SLC28A2: variants seen among roughly 807,000 people sequenced by gnomAD.
SLC28A2 encodes the protein sodium/nucleoside cotransporter 2.
SLC28A2 carries 69 observed loss-of-function variants against 72.9 expected under a neutral mutation model. The ratio of observed to expected loss-of-function variants is 0.95; its 90% CI spans 0.78 to 1.16. SLC28A2 has a LOEUF of 1.16. Among genes scored for constraint, SLC28A2 ranks in the 50% most tolerant of loss-of-function variants. The probability of loss-of-function intolerance (pLI) is 0.00; values close to 1 mark genes in which losing one functional copy is unlikely to be tolerated. For missense variants in SLC28A2, 745 were observed against 791.1 expected, an observed-to-expected ratio of 0.94 and a Z score of 0.70; for synonymous variants, 296 against 294.1, an observed-to-expected ratio of 1.01 and a Z score of -0.07.
intron 3 of SLC28A2, among the ~76,000 whole-genome samples, chr15:45,260,239 C>T (rs1182381854): frequency 6.6e-6 from 1 of 152,146 alleles, no homozygotes; most frequent in African/African-American, 2.4e-5. Context: ...TCTTTTCATA[C>T]ACTCTGATCA....
At chr15:45,270,378 A>G (rs1900510285) in intron 15 of SLC28A2, 102 bp downstream of exon 15, 1 of 840,830 alleles carries the variant, frequency 1.2e-6, no homozygotes, top group Non-Finnish European at 2.0e-6. Context: ...TCAGATAGAG[A>G]AGCCATTGTG....
At position 45,269,554 on chromosome 15, in the gene SLC28A2, A is replaced by C; in HGVS notation, c.1566+19A>C. On this transcript the variant is annotated intron_variant, in intron 14 of 17. Coordinates refer to ENST00000347644, the MANE Select transcript of SLC28A2 (RefSeq NM_004212.4). Reference sequence around the variant, plus strand: ...GATTTCTGTAAGTGACAATCCAAAAAGCATAAACACCGTGAGGTCTCAGCC... The same window carrying C: ...GATTTCTGTAAGTGACAATCCAAAACGCATAAACACCGTGAGGTCTCAGCC... 1 of 1,602,474 alleles carries C rather than the reference A, an allele frequency of 6.2e-7. No homozygotes were observed. The highest frequency in any genetic ancestry group is 8.6e-7 in the Non-Finnish European group (1 of 1,169,410).
At chr15:45,260,606 A>G (rs1382022730) in intron 3 of SLC28A2, among the ~76,000 whole-genome samples, 1 of 152,110 alleles carries the variant, frequency 6.6e-6, no homozygotes, top group Non-Finnish European at 1.5e-5. Flanking sequence ...AAATTTAAAA[A>G]AGAAAATTAG....
chr15:45,255,041 G>A (rs1376380065), intron 3 of SLC28A2: 2 of 152,092 alleles, frequency 1.3e-5, no homozygotes, highest in Non-Finnish European at 2.9e-5. Context: ...GATCACTTGA[G>A]CCCAGGAATT....
In SLC28A2 at chr15:45,252,279, G is replaced by T; in HGVS notation, c.-17+1G>T. 2.2e-6 allele frequency: 1 copy of T among 455,978 alleles called. No homozygotes were observed. The highest frequency in any genetic ancestry group is 4.4e-6 in the Non-Finnish European group (1 of 226,792). 28.2% of individuals were successfully genotyped at this position (455,978 alleles called of 1,614,324 possible). A position where few individuals can be genotyped will look rare whatever the true frequency, so the allele number is the denominator to read the frequency against. On this transcript the variant is annotated splice_donor_variant, in intron 1 of 17. Transcript: ENST00000347644. LOFTEE classifies it low-confidence loss of function (5UTR_SPLICE). ...GAGGGAATCAATTCCACAAGCTGGG[G>T]TAAGTAAAGGTGTTTGGGGGAGGGC...
intron 12 of SLC28A2, 32 bp downstream of exon 12, chr15:45,267,828 T>C: frequency 5.6e-6 from 9 of 1,612,700 alleles, no homozygotes; most frequent in Non-Finnish European, 7.6e-6. Flanking sequence ...CTTTGGGAGA[T>C]GGTGAGCTGT....
At chr15:45,269,595 T>G in intron 14 of SLC28A2, 60 bp downstream of exon 14, 2 of 1,476,608 alleles carry the variant, frequency 1.4e-6, no homozygotes, top group Non-Finnish European at 1.9e-6. Flanking sequence ...TATCTGAGGG[T>G]AGACAGAAAG....
intron 14 of SLC28A2, among the ~76,000 whole-genome samples, chr15:45,269,962 G>A (rs1297131535): frequency 1.3e-5 from 2 of 151,878 alleles, no homozygotes; most frequent in African/African-American, 2.4e-5. Context: ...AGGCCTTCTC[G>A]TTATTCATAG....
chr15:45,252,839 G>A (rs1479258974), intron 1 of SLC28A2, among the ~76,000 whole-genome samples: 1 of 152,108 alleles, frequency 6.6e-6, no homozygotes, highest in African/African-American at 2.4e-5. Flanking sequence ...GGGCTAAAAG[G>A]AGTAGTTACC....
At chr15:45,259,387 T>C (rs575736281) in intron 3 of SLC28A2, among the ~76,000 whole-genome samples, 88 of 152,310 alleles carry the variant, frequency 5.8e-4, no homozygotes, top group Non-Finnish European at 9.3e-4. Context: ...CCCATGCTAA[T>C]CTTGAACTAT....
intron 17 of SLC28A2, among the ~76,000 whole-genome samples, 168 bp from the exon 18 acceptor site, chr15:45,275,228 G>A (rs530112749): frequency 2.0e-4 from 31 of 152,274 alleles, no homozygotes; most frequent in African/African-American, 7.2e-4. Context: ...GTATTATCTT[G>A]GGAATGAATG....
chr15:45,269,230 G>A, intron 13 of SLC28A2, 108 bp from the exon 14 acceptor site: 1 of 828,076 alleles, frequency 1.2e-6, no homozygotes, highest in Admixed American at 2.1e-5. Context: ...GAGAGAGCAT[G>A]AATAGAAGGG....
chr15:45,267,819 T>C (rs1900394332), intron 12 of SLC28A2, 23 bp downstream of exon 12: 1 of 1,613,138 alleles, frequency 6.2e-7, no homozygotes, highest in African/African-American at 1.3e-5. Flanking sequence ...AGGCATATAC[T>C]TTGGGAGATG....
At chr15:45,261,250 A>G (rs1046977382) in intron 3 of SLC28A2, among the ~76,000 whole-genome samples, 1 of 152,254 alleles carries the variant, frequency 6.6e-6, no homozygotes, top group African/African-American at 2.4e-5. Flanking sequence ...AAGATGTGGC[A>G]TAGAATGATG....
chr15:45,263,311 A>T (rs999397498), intron 5 of SLC28A2, 67 bp downstream of exon 5: 2 of 1,505,168 alleles, frequency 1.3e-6, no homozygotes, highest in African/African-American at 2.8e-5. Context: ...TTCTCTTTTG[A>T]TAGTTGCTGA....
intron 17 of SLC28A2, 144 bp from the exon 18 acceptor site, chr15:45,275,252 A>C (rs1236638580): frequency 3.1e-6 from 2 of 637,162 alleles, no homozygotes; most frequent in Admixed American, 2.6e-5. Flanking sequence ...AAAGAAACAT[A>C]ATTGGGTTCT....
At chr15:45,272,049 A>G (rs971751608) in intron 15 of SLC28A2, 1 of 459,358 alleles carries the variant, frequency 2.2e-6, no homozygotes, top group Non-Finnish European at 3.9e-6. Context: ...TGTTCACAGA[A>G]CCATTAAAGT....
chr15:45,267,044 T>C (rs1185250035), intron 10 of SLC28A2, among the ~76,000 whole-genome samples: 2 of 152,198 alleles, frequency 1.3e-5, no homozygotes, highest in Non-Finnish European at 2.9e-5. Context: ...GATCATCTAT[T>C]TGTATTTCAT....
chr15:45,258,937 AT>A (rs1243006019), intron 3 of SLC28A2, among the ~76,000 whole-genome samples: 3 of 152,154 alleles, frequency 2.0e-5, no homozygotes, highest in African/African-American at 7.2e-5. Context: ...TTTTTAGCAA[AT>A]TTCACTCCCC....
Sources: allele counts gnomAD v4.1 joint callset (sites outside exome capture counted in the v4.1 genomes callset), GRCh38; gene constraint gnomAD v4.1.1; transcripts MANE v1.5; gene names NCBI Gene and HGNC (gene_info 2026-07-23, HGNC 2026-07-21).